Variants in RAB11FIP2 observed in about 807,000 individuals in gnomAD.
The protein encoded by RAB11FIP2 is RAB11 family interacting protein 2.
A neutral mutation model predicts 40.9 loss-of-function variants in RAB11FIP2; 16 were observed. That is an observed-to-expected ratio of 0.39 (90% CI 0.26 to 0.59). RAB11FIP2 has a LOEUF of 0.59. Ranked by LOEUF, RAB11FIP2 falls within the 20% of genes least tolerant of loss-of-function variation. The probability of loss-of-function intolerance (pLI) is 0.53; values close to 1 mark genes in which losing one functional copy is unlikely to be tolerated. For missense variants in RAB11FIP2, 532 were observed against 606.2 expected (o/e 0.88, Z 1.28); for synonymous variants, 228 against 213.7 (o/e 1.07, Z -0.58).
chr10:118,036,913 C>T (rs906308651), intron 3 of RAB11FIP2, among the ~76,000 whole-genome samples: 12 of 152,094 alleles, frequency 7.9e-5, no homozygotes, highest in African/African-American at 2.9e-4. Flanking sequence ...CCCACATAAA[C>T]AACTCAAATA....
chr10:118,039,001 G>A lies in RAB11FIP2; in HGVS notation c.1236C>T (p.Phe412=). The change falls in exon 3 of 5, where the codon TTC becomes TTT. Residue 412 remains phenylalanine (F), a synonymous_variant. Transcript: ENST00000355624. ...YESTNPFTAK[F]RASNIMPSSS... ...AAGATGGCATTATATTTGAAGCCCT[G>A]AATTTTGCTGTAAATGGATTGGTTG... 6.2e-7 allele frequency: 1 copy of A among 1,602,364 alleles called. No individual in the cohort carries two copies. The highest frequency in any genetic ancestry group is 8.5e-7 in the Non-Finnish European group (1 of 1,176,024).
intron 1 of RAB11FIP2, chr10:118,045,222 T>C (rs1162630613): frequency 6.6e-6 from 1 of 152,368 alleles, no homozygotes; most frequent in African/African-American, 2.4e-5. Context: ...TGTAAGTGCA[T>C]TCGAAGTTGA....
chr10:118,042,750 T>G (rs937348769), intron 1 of RAB11FIP2, among the ~76,000 whole-genome samples: 1 of 152,292 alleles, frequency 6.6e-6, no homozygotes, highest in South Asian at 2.1e-4. Context: ...AGTAGGAAAC[T>G]GTAAAGACCT....
At chr10:118,041,702 T>C (rs745695500) in intron 1 of RAB11FIP2, among the ~76,000 whole-genome samples, 7 of 152,188 alleles carry the variant, frequency 4.6e-5, no homozygotes, top group Non-Finnish European at 8.8e-5. Context: ...CAACTGGATA[T>C]GCCAAGAGAA....
At chr10:118,040,617 C>T in intron 1 of RAB11FIP2, 52 bp from the exon 2 acceptor site, 1 of 1,317,676 alleles carries the variant, frequency 7.6e-7, no homozygotes, top group Non-Finnish European at 1.0e-6. Flanking sequence ...AGAGAGGATA[C>T]TGAGTTCTGT....
Position 118,039,216 on chromosome 10 carries a change from T to C in RAB11FIP2, c.1021A>G (p.Lys341Glu), listed in dbSNP as rs1338322987. Residue 341 changes from lysine (K) to glutamate (E), a missense_variant, in exon 3 of 5, where the codon AAA becomes GAA. Lys to Glu is a moderately conservative substitution (Grantham distance 56). Transcript: ENST00000355624. ...TWDSSMNLFS[K>E]PIEIRKENKR... ...TTTTCTTTTCTTATTTCAATTGGTTTTGAAAATAAATTCATGCTGCTGTCC... is the reference window on the plus strand; with the variant it reads ...TTTTCTTTTCTTATTTCAATTGGTTCTGAAAATAAATTCATGCTGCTGTCC... 1.9e-6 allele frequency: 3 copies of C among 1,613,654 alleles called. No homozygotes were observed. The highest frequency in any genetic ancestry group is 2.7e-5 in the African/African-American group (2 of 74,912).
intron 3 of RAB11FIP2, among the ~76,000 whole-genome samples, chr10:118,033,320 A>T (rs79926053): frequency 5.3e-5 from 8 of 152,244 alleles, no homozygotes; most frequent in Admixed American, 1.3e-4. Flanking sequence ...CTAAAAAAAA[A>T]TAATCTCCAG....
In RAB11FIP2 at chr10:118,005,262, TGA is replaced by T. The variant is rs1450332187; in HGVS notation, c.*3734_*3735del. 1.3e-5 allele frequency: 2 copies of T among 152,652 alleles called. No individual in the cohort carries two copies. Among genetic ancestry groups the T allele is most frequent in the African/African-American group, 2.4e-5 (1 of 41,456 alleles). The allele number at this position is 152,652 out of a possible 1,614,324, so 9.5% of individuals were successfully genotyped here. On this transcript the variant is annotated 3_prime_UTR_variant, in exon 5 of 5. Transcript: ENST00000355624. ...CATGTATTAGACTTCAACTCCACTG[TGA>T]GAGTGCATTTTTTGATGGATAAAAC...
rs1245703254 is a variant in RAB11FIP2 at position 118,045,803 on chromosome 10, T to A, written c.353+8A>T. ...TCCCCCAAATTCAAAATAAATTACATAACTTACTCTGTTTTCCTTCTTTGT... is the reference window on the plus strand; with the variant it reads ...TCCCCCAAATTCAAAATAAATTACAAAACTTACTCTGTTTTCCTTCTTTGT... On this transcript the variant is annotated splice_region_variant and intron_variant, in intron 1 of 4. Coordinates refer to ENST00000355624, the MANE Select transcript of RAB11FIP2 (RefSeq NM_014904.3). 6.4e-7 allele frequency: 1 copy of A among 1,562,702 alleles called. No homozygotes were observed. Among genetic ancestry groups the A allele is most frequent in the Non-Finnish European group, 8.7e-7 (1 of 1,151,118 alleles).
In RAB11FIP2 at chr10:118,008,096, C is replaced by A. The variant is rs1390615798; in HGVS notation, c.*902G>T. 2 of 152,516 alleles carry A rather than the reference C, an allele frequency of 1.3e-5. No individual in the cohort carries two copies. The highest frequency in any genetic ancestry group is 4.8e-5 in the African/African-American group (2 of 41,552). 9.4% of individuals were successfully genotyped at this position (152,516 alleles called of 1,614,324 possible). A position where few individuals can be genotyped will look rare whatever the true frequency, so the allele number is the denominator to read the frequency against. On this transcript the variant is annotated 3_prime_UTR_variant, in exon 5 of 5. Coordinates refer to ENST00000355624, the MANE Select transcript of RAB11FIP2 (RefSeq NM_014904.3). ...GATTTAAAGGCATGCAGAATTTCAA[C>A]AAAACAAGCTATATTAGCTTATCTT... is the stretch of plus-strand genomic sequence containing the variant.
At chr10:118,019,929 G>A (rs1002649679) in intron 3 of RAB11FIP2, among the ~76,000 whole-genome samples, 1 of 151,952 alleles carries the variant, frequency 6.6e-6, no homozygotes, top group African/African-American at 2.4e-5. Flanking sequence ...AGTCTAAAAG[G>A]AGGAAAAGAG....
intron 1 of RAB11FIP2, among the ~76,000 whole-genome samples, chr10:118,040,852 C>A (rs1219732340): frequency 6.6e-6 from 1 of 152,128 alleles, no homozygotes; most frequent in Non-Finnish European, 1.5e-5. Context: ...AATCACTCAT[C>A]ATCAAAAATT....
chr10:118,038,555 G>A (rs551693620), intron 3 of RAB11FIP2, among the ~76,000 whole-genome samples: 19 of 152,164 alleles, frequency 1.2e-4, no homozygotes, highest in East Asian at 3.9e-4. Flanking sequence ...TGAAGCTGGC[G>A]TTTTTTAAAG....
chr10:118,016,431 G>A (rs1297457114), intron 3 of RAB11FIP2, among the ~76,000 whole-genome samples: 2 of 152,146 alleles, frequency 1.3e-5, no homozygotes, highest in African/African-American at 4.8e-5. Context: ...AGCCCACAAA[G>A]GAGTGGCTTA....
intron 3 of RAB11FIP2, among the ~76,000 whole-genome samples, chr10:118,034,254 TGTGTTAAGA>T (rs1846453619): frequency 6.6e-6 from 1 of 151,976 alleles, no homozygotes; most frequent in African/African-American, 2.4e-5. Context: ...AACGGAGGAT[TGTGTTAAGA>T]GTGTTAAGAG....
Position 118,045,877 on chromosome 10 carries a change from T to C in RAB11FIP2, c.287A>G (p.Lys96Arg). The stretch of plus-strand genomic sequence containing the variant: ...ATTGATTGCCACCTGCCCTAAAAAT[T>C]TATCCAGACCCACCAGGGACCTGTG... Reference protein sequence around the residue: ...VMHRSLVGLDKFLGQVAINLN... With the variant: ...VMHRSLVGLDRFLGQVAINLN... The change falls in exon 1 of 5, where the codon AAA becomes AGA. Residue 96 changes from lysine to arginine, a missense_variant. By Grantham distance (26) the Lys-to-Arg change is conservative. Coordinates refer to ENST00000355624, the MANE Select transcript of RAB11FIP2 (RefSeq NM_014904.3). 6 of 1,614,070 alleles carry C rather than the reference T, an allele frequency of 3.7e-6. No homozygotes were observed. The highest frequency in any genetic ancestry group is 5.1e-6 in the Non-Finnish European group (6 of 1,180,004).
chr10:118,035,427 C>T (rs191662446), intron 3 of RAB11FIP2, among the ~76,000 whole-genome samples: 6 of 152,194 alleles, frequency 3.9e-5, no homozygotes, highest in African/African-American at 4.8e-5. Flanking sequence ...TGCATACATA[C>T]GGCTTTATGG....
chr10:118,014,752 A>C (rs1487401426), intron 4 of RAB11FIP2, among the ~76,000 whole-genome samples: 1 of 152,186 alleles, frequency 6.6e-6, no homozygotes, highest in Non-Finnish European at 1.5e-5. Context: ...TCATAACCAC[A>C]AATTTGACCC....
intron 4 of RAB11FIP2, among the ~76,000 whole-genome samples, chr10:118,011,365 A>C (rs1213575461): frequency 6.6e-6 from 1 of 151,888 alleles, no homozygotes; most frequent in Non-Finnish European, 1.5e-5. Context: ...CAGATCAATT[A>C]ATCTTTTATA....
Sources: gnomAD v4.1 joint callset for allele counts (sites outside exome capture counted in the v4.1 genomes callset) on GRCh38, gnomAD v4.1.1 for gene constraint, MANE v1.5 for transcripts, NCBI Gene and HGNC (gene_info 2026-07-23, HGNC 2026-07-21) for gene names.